The following ATP13A4 variants were observed in gnomAD, a reference collection of about 807,000 sequenced individuals.
ATP13A4 encodes the protein ATPase 13A4, also known as probable cation-transporting ATPase 13A4.
A neutral mutation model predicts 142.5 loss-of-function variants in ATP13A4; 114 were observed. The observed-to-expected ratio is 0.80, with a 90% CI of 0.69 to 0.93. The LOEUF is 0.93. Among genes scored for constraint, ATP13A4 ranks in the 40% least tolerant of loss-of-function variants. ATP13A4 has a pLI of 0.00. For synonymous variants in ATP13A4, 488 were observed against 514.8 expected (o/e 0.95, Z 0.70); for missense variants, 1,392 against 1,454.0 (o/e 0.96, Z 0.69).
chr3:193,491,500 T>A, intron 5 of ATP13A4, 102 bp from the exon 6 acceptor site: 17 of 858,376 alleles, frequency 2.0e-5, no homozygotes, highest in Non-Finnish European at 3.2e-5. Context: ...CTTTCTCACT[T>A]GTGAGACCAA....
intron 25 of ATP13A4, among the ~76,000 whole-genome samples, chr3:193,424,645 T>C (rs1228828162): frequency 3.3e-5 from 5 of 149,726 alleles, no homozygotes; most frequent in Non-Finnish European, 7.4e-5. Context: ...ACTAGACCCC[T>C]ATCTCTCACC....
At chr3:193,512,345 C>A (rs1032095295) in intron 2 of ATP13A4, among the ~76,000 whole-genome samples, 2 of 152,078 alleles carry the variant, frequency 1.3e-5, no homozygotes, top group Non-Finnish European at 2.9e-5. Flanking sequence ...AAATTTTATC[C>A]CTGTCCTAGA....
intron 2 of ATP13A4, among the ~76,000 whole-genome samples, chr3:193,561,868 T>C (rs145050944): frequency 7.5e-4 from 115 of 152,320 alleles, no homozygotes; most frequent in African/African-American, 2.7e-3. Context: ...TCTTTTCACA[T>C]GCCTCTTTTT....
At chr3:193,557,894 A>C (rs1416653332), upstream of ATP13A4, among the ~76,000 whole-genome samples, 1 of 152,244 alleles carries the variant, frequency 6.6e-6, no homozygotes, top group East Asian at 1.9e-4. Context: ...AAGCAAGGGA[A>C]TCATCAGAGG....
At position 193,440,551 on chromosome 3, in the gene ATP13A4, A is replaced by G. The variant is rs749093158; in HGVS notation, c.2519+7T>C. The G allele has an allele frequency of 6.2e-6, 10 of 1,613,914 alleles. No individual in the cohort carries two copies. The highest frequency in any genetic ancestry group is 8.5e-6 in the Non-Finnish European group (10 of 1,179,812). ...GTTCATGCCACCTGCACTGGCAAAG[A>G]ACCTACTCCAGTTTCTGAAATTCTT... On this transcript the variant is annotated splice_region_variant and intron_variant, in intron 21 of 29. Coordinates refer to ENST00000342695, the MANE Select transcript of ATP13A4 (RefSeq NM_032279.4).
chr3:193,414,015 C>T (rs1354444166), intron 26 of ATP13A4, among the ~76,000 whole-genome samples: 1 of 152,134 alleles, frequency 6.6e-6, no homozygotes, highest in East Asian at 1.9e-4. Flanking sequence ...CACGGTCCTA[C>T]CGATATGTGA....
chr3:193,561,152 G>T (rs1724009083), intron 2 of ATP13A4, among the ~76,000 whole-genome samples: 1 of 152,198 alleles, frequency 6.6e-6, no homozygotes, highest in Non-Finnish European at 1.5e-5. Flanking sequence ...TGGGAATGAG[G>T]CAAGAGCCCA....
At chr3:193,569,517 G>GTTT (rs564755485) in intron 2 of ATP13A4, among the ~76,000 whole-genome samples, 1,294 of 124,362 alleles carry the variant, frequency 0.01, 24 homozygotes, top group African/African-American at 0.044. Flanking sequence ...TTTTGGTTTG[G>GTTT]TTTTTTTGTT....
Position 193,514,819 on chromosome 3 carries a change from C to A in ATP13A4, c.113G>T (p.Gly38Val). ...GAGGATTCCAAATGAGAAGATGGATCCGGCAAGGCAGAGACTTTTCCGGCA... is the reference window on the plus strand; with the variant it reads ...GAGGATTCCAAATGAGAAGATGGATACGGCAAGGCAGAGACTTTTCCGGCA... ...QGCRKSLCLA[G>V]SIFSFGILPL... Residue 38 changes from glycine to valine, a missense_variant, in exon 2 of 30, where the codon GGA (glycine) becomes GTA (valine). Physicochemically the swap from Gly to Val is moderately radical, Grantham distance 109. Coordinates refer to ENST00000342695, the MANE Select transcript of ATP13A4 (RefSeq NM_032279.4). The A allele has an allele frequency of 6.2e-7, 1 of 1,614,208 alleles. No homozygotes were observed. Among genetic ancestry groups the A allele is most frequent in the African/African-American group, 1.3e-5 (1 of 75,058 alleles).
Position 193,494,813 on chromosome 3 carries a change from C to A in ATP13A4, c.382-1653G>T, listed in dbSNP as rs1193312032. ...ACGAGACAACAAAAGGTCAAAAAACCCAAAGAGCTGGATTTTTTAAAAGAT... is the reference window on the plus strand; with the variant it reads ...ACGAGACAACAAAAGGTCAAAAAACACAAAGAGCTGGATTTTTTAAAAGAT... On this transcript the variant is annotated intron_variant, in intron 3 of 29. Coordinates refer to ENST00000342695, the MANE Select transcript of ATP13A4 (RefSeq NM_032279.4). Among the ~76,000 whole-genome samples the A allele has an allele frequency of 2.0e-5, 3 of 151,272 alleles. No homozygotes were observed. In the East Asian group the frequency reaches 5.8e-4, roughly 29 times the overall value.
At chr3:193,502,740 G>A (rs1720623419) in intron 2 of ATP13A4, 101 bp from the exon 3 acceptor site, 1 of 1,267,814 alleles carries the variant, frequency 7.9e-7, no homozygotes, top group East Asian at 2.3e-5. Context: ...GTAAGTGTTT[G>A]GCGTTAGTGA....
intron 1 of ATP13A4, among the ~76,000 whole-genome samples, chr3:193,584,425 A>G (rs1411391501): frequency 1.3e-5 from 2 of 152,212 alleles, no homozygotes; most frequent in Non-Finnish European, 2.9e-5. Context: ...CAGAACTATA[A>G]GATAATAAAT....
chr3:193,496,475 G>T (rs976370281), intron 3 of ATP13A4, among the ~76,000 whole-genome samples: 1 of 152,292 alleles, frequency 6.6e-6, no homozygotes, highest in African/African-American at 2.4e-5. Context: ...ATGGATAAAG[G>T]ATAGTCTCCT....
intron 1 of ATP13A4, among the ~76,000 whole-genome samples, chr3:193,521,945 TAATAA>T (rs1379677796): frequency 6.7e-6 from 1 of 150,136 alleles, no homozygotes; most frequent in Admixed American, 6.6e-5. Flanking sequence ...AAAATAATAC[TAATAA>T]AATAGAAAAA....
intron 1 of ATP13A4, among the ~76,000 whole-genome samples, chr3:193,538,892 C>CTTTTTTTTTTTT: frequency 8.3e-6 from 1 of 120,854 alleles, no homozygotes; most frequent in Non-Finnish European, 1.7e-5. Context: ...TTGGTTTTTT[C>CTTTTTTTTTTTT]TTTTTTTTTT....
At chr3:193,433,996 A>G (rs2108616989) in intron 24 of ATP13A4, 79 bp from the exon 25 acceptor site, 3 of 1,165,406 alleles carry the variant, frequency 2.6e-6, no homozygotes, top group Non-Finnish European at 3.9e-6. Flanking sequence ...TTATTTTCTC[A>G]CTGTGACATA....
At chr3:193,587,482 C>T (rs1332232721) in intron 1 of ATP13A4, among the ~76,000 whole-genome samples, 2 of 152,180 alleles carry the variant, frequency 1.3e-5, no homozygotes, top group African/African-American at 4.8e-5. Context: ...ATAATCTCCC[C>T]ATCTCAATAT....
intron 1 of ATP13A4, among the ~76,000 whole-genome samples, chr3:193,542,691 T>C (rs906235761): frequency 1.3e-5 from 2 of 152,226 alleles, no homozygotes; most frequent in Non-Finnish European, 2.9e-5. Flanking sequence ...TACGTCCACC[T>C]GATCTTTGAC....
intron 1 of ATP13A4, among the ~76,000 whole-genome samples, chr3:193,530,688 T>C (rs771868208): frequency 7.9e-5 from 12 of 152,140 alleles, no homozygotes; most frequent in Non-Finnish European, 1.6e-4. Flanking sequence ...AAAACAAACA[T>C]CTGAATTCAC....
Sources: gnomAD v4.1 joint callset for allele counts (sites outside exome capture counted in the v4.1 genomes callset) on GRCh38, gnomAD v4.1.1 for gene constraint, MANE v1.5 for transcripts, NCBI Gene and HGNC (gene_info 2026-07-23, HGNC 2026-07-21) for gene names.